Variants in INTU observed in about 807,000 individuals in gnomAD.
INTU encodes the protein inturned planar cell polarity protein, also known as protein inturned.
INTU carries 68 observed loss-of-function variants against 100.5 expected under a neutral mutation model. The observed-to-expected ratio is 0.68, with a 90% CI of 0.56 to 0.83. The LOEUF (loss-of-function observed/expected upper bound fraction) is 0.83, where lower values mean the gene tolerates loss of function less well. Ranked by LOEUF, INTU falls within the 40% of genes least tolerant of loss-of-function variation. The pLI, the probability that INTU is intolerant of heterozygous loss-of-function variation, is 0.00. For synonymous variants in INTU, 357 were observed against 395.7 expected (o/e 0.90, Z 1.16); for missense variants, 1,071 against 1,114.7 (o/e 0.96, Z 0.56).
At chr4:127,674,031 A>C in intron 5 of INTU, 93 bp from the exon 6 acceptor site, 1 of 755,928 alleles carries the variant, frequency 1.3e-6, no homozygotes, top group Admixed American at 3.1e-5. Flanking sequence ...GTAGTTCTTA[A>C]ATCATACCAT....
intron 5 of INTU, among the ~76,000 whole-genome samples, chr4:127,670,139 T>C (rs534327552): frequency 4.6e-5 from 7 of 152,012 alleles, no homozygotes; most frequent in Admixed American, 4.6e-4. Context: ...TCAAAGCTTT[T>C]AGGTTTTGTG....
chr4:127,676,600 AGAG>A lies in INTU; in HGVS notation c.1181+2388_1181+2390del, dbSNP rs373031266. On this transcript the variant is annotated intron_variant, in intron 6 of 15. Coordinates refer to ENST00000335251, the MANE Select transcript of INTU (RefSeq NM_015693.4). ...GACAATGTCTCAAAAAAAAAAAAAA[AGAG>A]AGAGAGAGGTGGGAGCCAAGATGGC... Among the ~76,000 whole-genome samples the A allele has an allele frequency of 9.7e-5, 11 of 113,272 alleles. 1 individual carries two copies. The highest frequency in any genetic ancestry group is 4.7e-3 in the Middle Eastern group (1 of 212). 74.3% of individuals were successfully genotyped at this position (113,272 alleles called of 152,430 possible).
At chr4:127,644,411 T>G (rs1727477308) in intron 2 of INTU, among the ~76,000 whole-genome samples, 1 of 152,260 alleles carries the variant, frequency 6.6e-6, no homozygotes, top group African/African-American at 2.4e-5. Flanking sequence ...CTATATCCAG[T>G]AACAGGATAC....
chr4:127,681,950 A>T (rs1187142770), intron 6 of INTU, among the ~76,000 whole-genome samples: 1 of 152,064 alleles, frequency 6.6e-6, no homozygotes, highest in African/African-American at 2.4e-5. Context: ...GAAGGACATG[A>T]ACAGATACTT....
chr4:127,704,288 A>T lies in INTU; in HGVS notation c.1564A>T (p.Lys522Ter). 1 of 1,608,526 alleles carries T rather than the reference A, an allele frequency of 6.2e-7. No homozygotes were observed. The highest frequency in any genetic ancestry group is 8.5e-7 in the Non-Finnish European group (1 of 1,176,478). Reference protein sequence around the residue: ...YTILGSSLFYKGYLICSHLPK... With the variant: ...YTILGSSLFY ...AATTTTGGGGTCTTCTCTATTTTAC[A>T]AGGTAAGTTGAAGCTTGAAGTCTAA... The change falls in exon 10 of 16, where the codon AAG (lysine) becomes TAG (stop). Residue 522 changes from lysine to a stop codon, truncating the protein, a stop_gained and splice_region_variant. Coordinates refer to ENST00000335251, the MANE Select transcript of INTU (RefSeq NM_015693.4). LOFTEE classifies it high-confidence loss of function.
chr4:127,714,210 T>G (rs1056686158), intron 15 of INTU, 117 bp downstream of exon 15: 1 of 641,858 alleles, frequency 1.6e-6, no homozygotes, highest in South Asian at 3.2e-5. Context: ...CTATACTATT[T>G]TAATATATTT....
At chr4:127,636,087 G>A (rs1432961449) in intron 1 of INTU, among the ~76,000 whole-genome samples, 7 of 152,034 alleles carry the variant, frequency 4.6e-5, no homozygotes, top group Non-Finnish European at 5.9e-5. Flanking sequence ...GAAACATAGT[G>A]AGACCCCCAT....
At chr4:127,675,956 A>G in intron 6 of INTU, 1 of 298,596 alleles carries the variant, frequency 3.3e-6, no homozygotes. Context: ...ATTAAGCCTC[A>G]CTTCTTGAGG....
chr4:127,685,962 G>A (rs1055289792), intron 7 of INTU: 1 of 152,176 alleles, frequency 6.6e-6, no homozygotes, highest in Non-Finnish European at 1.5e-5. Context: ...AGCAAACTAC[G>A]ATAATAAATG....
At position 127,711,089 on chromosome 4, in the gene INTU, C is replaced by A; in HGVS notation, c.2546C>A (p.Thr849Lys). 6.3e-7 allele frequency: 1 copy of A among 1,588,782 alleles called. No homozygotes were observed. The highest frequency in any genetic ancestry group is 8.6e-7 in the Non-Finnish European group (1 of 1,161,428). The change falls in exon 14 of 16, where the codon ACA becomes AAA. Residue 849 changes from threonine to lysine, a missense_variant. Thr to Lys is a moderately conservative substitution (Grantham distance 78, BLOSUM62 -1). Coordinates refer to ENST00000335251, the MANE Select transcript of INTU (RefSeq NM_015693.4). Reference sequence around the variant, plus strand: ...TCCATTCGTGCAGTTTTCCAACAGACATTGGTGGAAGAGGTAGGGCACTGC... The same window carrying A: ...TCCATTCGTGCAGTTTTCCAACAGAAATTGGTGGAAGAGGTAGGGCACTGC... ...CLSIRAVFQQ[T>K]LVEEKKKGLN...
Position 127,651,660 on chromosome 4 carries a change from A to C in INTU, c.683-4976A>C, listed in dbSNP as rs544733253. ...TTTGAAGTCAGGTAGGGTGATGCCT[A>C]CAGCTTTGTTCTTTTGGCTTAGGAT... On this transcript the variant is annotated intron_variant, in intron 2 of 15. Transcript: ENST00000335251. Among the ~76,000 whole-genome samples, 1,239 of 151,692 alleles carry C rather than the reference A, an allele frequency of 8.2e-3. 14 individuals are homozygous for C. The highest frequency in any genetic ancestry group is 0.021 in the Middle Eastern group (6 of 292).
chr4:127,657,425 A>T (rs1255960197), intron 3 of INTU, among the ~76,000 whole-genome samples: 4 of 152,012 alleles, frequency 2.6e-5, no homozygotes, highest in African/African-American at 9.7e-5. Flanking sequence ...GATAGGGAAG[A>T]TTATATGCTT....
At chr4:127,698,549 C>T (rs1473693716) in intron 8 of INTU, among the ~76,000 whole-genome samples, 1 of 151,264 alleles carries the variant, frequency 6.6e-6, no homozygotes, top group Non-Finnish European at 1.5e-5. Context: ...TTTTTAAAAA[C>T]AAACTAAATA....
intron 15 of INTU, among the ~76,000 whole-genome samples, chr4:127,715,928 CA>C (rs1028130644): frequency 4.0e-5 from 6 of 151,324 alleles, no homozygotes; most frequent in South Asian, 2.1e-4. Flanking sequence ...TTCTATTTGC[CA>C]AAAAAAGCTA....
At chr4:127,680,074 T>A (rs1032412742) in intron 6 of INTU, among the ~76,000 whole-genome samples, 7 of 152,310 alleles carry the variant, frequency 4.6e-5, no homozygotes, top group Non-Finnish European at 7.3e-5. Context: ...ACTCTCTGAA[T>A]AGAACAATAA....
intron 5 of INTU, 77 bp downstream of exon 5, chr4:127,669,231 T>C: frequency 1.5e-6 from 1 of 673,766 alleles, no homozygotes; most frequent in Non-Finnish European, 2.6e-6. Flanking sequence ...CTAAAACAAG[T>C]ATCTGGTATA....
intron 8 of INTU, among the ~76,000 whole-genome samples, chr4:127,689,976 T>C (rs574391498): frequency 6.6e-6 from 1 of 152,230 alleles, no homozygotes; most frequent in African/African-American, 2.4e-5. Context: ...GGCCATTACT[T>C]AGGTTCTTGC....
intron 6 of INTU, among the ~76,000 whole-genome samples, chr4:127,681,114 A>G (rs1729520236): frequency 6.6e-6 from 1 of 152,168 alleles, no homozygotes; most frequent in Admixed American, 6.5e-5. Flanking sequence ...GATACAAACA[A>G]ATGGAAGAAC....
Position 127,706,984 on chromosome 4 carries a change from A to G in INTU, c.2271+15A>G, listed in dbSNP as rs779596853. ...CCTTGCTTAAGGTGTGTGCTTATTCAAGTGTGTATGTTCTGGGAGCTAAGT... is the reference window on the plus strand; with the variant it reads ...CCTTGCTTAAGGTGTGTGCTTATTCGAGTGTGTATGTTCTGGGAGCTAAGT... On this transcript the variant is annotated intron_variant, in intron 12 of 15. Coordinates refer to ENST00000335251, the MANE Select transcript of INTU (RefSeq NM_015693.4). 1.5e-5 allele frequency: 24 copies of G among 1,600,086 alleles called. No homozygotes were observed. The East Asian group carries it at 5.1e-4, about 34-fold the overall frequency.
Sources: allele counts gnomAD v4.1 joint callset (sites outside exome capture counted in the v4.1 genomes callset), GRCh38; gene constraint gnomAD v4.1.1; transcripts MANE v1.5; gene names NCBI Gene and HGNC (gene_info 2026-07-23, HGNC 2026-07-21).